Variants in ERBIN observed in about 807,000 individuals in gnomAD.
ERBIN encodes the protein densin-180-like protein.
Under a neutral mutation model 158.4 loss-of-function variants are expected in ERBIN, and 60 were observed. That is an observed-to-expected ratio of 0.38 (90% CI 0.31 to 0.47). The LOEUF (loss-of-function observed/expected upper bound fraction) is 0.47, where lower values mean the gene tolerates loss of function less well. Among genes scored for constraint, ERBIN ranks in the 20% least tolerant of loss-of-function variants. ERBIN has a pLI of 0.99. For synonymous variants in ERBIN, 594 were observed against 557.2 expected (o/e 1.07, Z -0.93); for missense variants, 1,610 against 1,648.0 (o/e 0.98, Z 0.40).
At chr5:66,056,680 G>A (rs948133399) in intron 21 of ERBIN, among the ~76,000 whole-genome samples, 3 of 152,046 alleles carry the variant, frequency 2.0e-5, no homozygotes, top group Non-Finnish European at 4.4e-5. Flanking sequence ...CTAAAGAGAA[G>A]CCTTATGAGA....
intron 21 of ERBIN, among the ~76,000 whole-genome samples, chr5:66,055,367 A>G (rs994137169): frequency 6.6e-6 from 1 of 152,118 alleles, no homozygotes; most frequent in Non-Finnish European, 1.5e-5. Flanking sequence ...TTCATCTAAT[A>G]TTTTTTCCCC....
At chr5:65,987,397 A>ACACACACACACACACACACAC (rs1561335953) in intron 1 of ERBIN, among the ~76,000 whole-genome samples, 2 of 16,272 alleles carry the variant, frequency 1.2e-4, no homozygotes, top group African/African-American at 5.1e-4. Flanking sequence ...CACACACACG[A>ACACACACACACACACACACAC]AAAAAGAAAA....
In ERBIN at chr5:66,013,752, A is replaced by T. The variant is rs532870487; in HGVS notation, c.476+114A>T. 1.8e-5 allele frequency: 11 copies of T among 609,832 alleles called. No homozygotes were observed. In the East Asian group the frequency reaches 2.3e-4, roughly 13 times the overall value. 37.8% of individuals were successfully genotyped at this position (609,832 alleles called of 1,614,324 possible). ...CAGTTTCATAGGCTCTTTTTAAATT[A>T]TTCCCAAGCATTGTGACTTTTATAC... On this transcript the variant is annotated intron_variant, in intron 6 of 25. Coordinates refer to ENST00000284037, the MANE Select transcript of ERBIN (RefSeq NM_001253697.2).
intron 1 of ERBIN, among the ~76,000 whole-genome samples, chr5:65,927,208 T>C (rs1016434801): frequency 1.3e-5 from 2 of 152,186 alleles, no homozygotes; most frequent in Non-Finnish European, 2.9e-5. Context: ...GTGAGTGATT[T>C]GCTGTTATTG....
At chr5:65,974,331 C>T (rs991528747) in intron 1 of ERBIN, among the ~76,000 whole-genome samples, 3 of 151,628 alleles carry the variant, frequency 2.0e-5, no homozygotes, top group African/African-American at 7.2e-5. Flanking sequence ...GCGTCTAAGA[C>T]TTCTTATTTG....
chr5:65,957,372 G>C (rs1481677334), intron 1 of ERBIN, among the ~76,000 whole-genome samples: 1 of 151,552 alleles, frequency 6.6e-6, no homozygotes, highest in Non-Finnish European at 1.5e-5. Flanking sequence ...GGGGCCTTCC[G>C]CAGTGTTTGT....
intron 1 of ERBIN, among the ~76,000 whole-genome samples, chr5:65,939,968 C>G (rs1386385427): frequency 6.6e-6 from 1 of 151,420 alleles, no homozygotes; most frequent in East Asian, 2.0e-4. Flanking sequence ...CCGGCCGCCA[C>G]CCCGTCTGGG....
rs1318319542 is a variant in ERBIN, at chr5:66,053,792, A to G, written c.2474A>G (p.His825Arg). The G allele has an allele frequency of 6.2e-7, 1 of 1,613,918 alleles. No individual in the cohort carries two copies. Among genetic ancestry groups the G allele is most frequent in the Non-Finnish European group, 8.5e-7 (1 of 1,180,010 alleles). The change falls in exon 21 of 26, where the codon CAT (histidine) becomes CGT (arginine). Residue 825 changes from histidine (H) to arginine (R), a missense_variant. By Grantham distance (29) the His-to-Arg change is conservative. This residue lies in a region of ERBIN where 1,014 missense variants were observed against 936.1 expected (regional missense o/e 1.08). Transcript: ENST00000284037. ...NLESVNKVNGHSEETSQSPNR... is the reference protein window; with the variant it reads ...NLESVNKVNGRSEETSQSPNR... ...GAATCCGTAAATAAGGTAAATGGAC[A>G]TTCTGAGGAAACTTCCCAGTCTCCT... is the stretch of plus-strand genomic sequence containing the variant.
At chr5:65,973,908 G>T (rs1210011056) in intron 1 of ERBIN, among the ~76,000 whole-genome samples, 1 of 151,254 alleles carries the variant, frequency 6.6e-6, no homozygotes, top group Non-Finnish European at 1.5e-5. Context: ...TAGAATTAGG[G>T]AATCAGTTTA....
In ERBIN at chr5:66,038,479, G is replaced by T. The variant is rs1438925685; in HGVS notation, c.1303G>T (p.Asp435Tyr). Residue 435 changes from aspartate (D) to tyrosine (Y), a missense_variant, in exon 15 of 26, where the codon GAT becomes TAT. Physicochemically the swap from Asp to Tyr is radical, Grantham distance 160. This residue lies in a region of ERBIN where 596 missense variants were observed against 711.9 expected (regional missense o/e 0.84). Transcript: ENST00000284037. Reference protein sequence around the residue: ...YMFPQQPRTEDVMFISDNESF... With the variant: ...YMFPQQPRTEYVMFISDNESF... ...GTTCCCTCAACAGCCAAGGACTGAG[G>T]ATGGTAGGAATTTCATAATCGATTT... 2 of 1,597,462 alleles carry T rather than the reference G, an allele frequency of 1.3e-6. No individual in the cohort carries two copies. The highest frequency in any genetic ancestry group is 1.3e-5 in the African/African-American group (1 of 74,172).
intron 4 of ERBIN, among the ~76,000 whole-genome samples, chr5:66,000,137 A>G (rs1454024350): frequency 1.3e-5 from 2 of 152,204 alleles, no homozygotes; most frequent in African/African-American, 4.8e-5. Flanking sequence ...GGGACTCAAG[A>G]TAATTTGGGT....
At chr5:65,964,908 TTG>T (rs70987104) in intron 1 of ERBIN, among the ~76,000 whole-genome samples, 1,784 of 107,240 alleles carry the variant, frequency 0.017, 39 homozygotes, top group Middle Eastern at 0.037. Flanking sequence ...CCTGGCTGAT[TTG>T]TGTGTGTGTG....
chr5:65,951,105 G>A (rs1015516247), intron 1 of ERBIN, among the ~76,000 whole-genome samples: 1 of 152,154 alleles, frequency 6.6e-6, no homozygotes, highest in Non-Finnish European at 1.5e-5. Flanking sequence ...CTGGTGACAC[G>A]CCGGTGGAAG....
intron 21 of ERBIN, among the ~76,000 whole-genome samples, chr5:66,061,531 TA>T (rs1462770129): frequency 6.6e-6 from 1 of 152,222 alleles, no homozygotes; most frequent in African/African-American, 2.4e-5. Context: ...TTGGAGCATT[TA>T]GCCCATTTAC....
chr5:66,032,427 A>G (rs1201928806), intron 14 of ERBIN, among the ~76,000 whole-genome samples: 2 of 152,162 alleles, frequency 1.3e-5, no homozygotes, highest in East Asian at 1.9e-4. Flanking sequence ...AAGGGGCACC[A>G]TTGATAATTA....
Position 66,054,670 on chromosome 5 carries a change from C to T in ERBIN, c.3352C>T (p.Pro1118Ser). 6.2e-7 allele frequency: 1 copy of T among 1,614,098 alleles called. No homozygotes were observed. Among genetic ancestry groups the T allele is most frequent in the South Asian group, 1.1e-5 (1 of 91,070 alleles). The change falls in exon 21 of 26, where the codon CCA becomes TCA. Residue 1118 changes from proline (P) to serine (S), a missense_variant. Coordinates refer to ENST00000284037, the MANE Select transcript of ERBIN (RefSeq NM_001253697.2). ...GTTCCACTCAGCGGGAAGAACTCCTCCAATGATGCCAGGATCACAGAGACC... is the reference window on the plus strand; with the variant it reads ...GTTCCACTCAGCGGGAAGAACTCCTTCAATGATGCCAGGATCACAGAGACC... Reference protein sequence around the residue: ...REFHSAGRTPPMMPGSQRPLS... With the variant: ...REFHSAGRTPSMMPGSQRPLS...
intron 1 of ERBIN, among the ~76,000 whole-genome samples, chr5:65,953,140 C>T (rs1474497317): frequency 1.3e-5 from 2 of 152,176 alleles, no homozygotes; most frequent in Non-Finnish European, 2.9e-5. Flanking sequence ...CTGCTCGTTA[C>T]TACAATTAAG....
At chr5:66,075,357 A>T in intron 23 of ERBIN, 127 bp downstream of exon 23, 1 of 794,860 alleles carries the variant, frequency 1.3e-6, no homozygotes, top group Non-Finnish European at 2.0e-6. Context: ...TTTTATTTTT[A>T]TGTTACGTTT....
At chr5:65,994,719 G>C (rs914274824) in intron 3 of ERBIN, 28 bp from the exon 4 acceptor site, 1 of 1,248,644 alleles carries the variant, frequency 8.0e-7, no homozygotes, top group South Asian at 1.3e-5. Context: ...GTATATAATT[G>C]ACATTCTTTC....
Sources: gnomAD v4.1 joint callset for allele counts (sites outside exome capture counted in the v4.1 genomes callset) on GRCh38, gnomAD v4.1.1 for gene constraint, gnomAD v4.1.1 regional missense constraint, MANE v1.5 for transcripts, NCBI Gene and HGNC (gene_info 2026-07-23, HGNC 2026-07-21) for gene names.